The following GPR158 variants were observed in gnomAD, a reference collection of about 807,000 sequenced individuals.
GPR158 encodes G protein-coupled receptor 158.
GPR158 carries 30 observed loss-of-function variants against 78.2 expected under a neutral mutation model. The ratio of observed to expected loss-of-function variants is 0.38; its 90% confidence interval spans 0.29 to 0.52. The LOEUF is 0.52. GPR158 is among the 20% of genes least tolerant of loss of function. The pLI is 0.83. For missense variants in GPR158, 1,463 were observed against 1,523.5 expected, an observed-to-expected ratio of 0.96 and a Z score of 0.66; for synonymous variants, 581 against 591.1, an observed-to-expected ratio of 0.98 and a Z score of 0.25.
At position 25,190,833 on chromosome 10, in the gene GPR158, C is replaced by T. The variant is rs114001217; in HGVS notation, c.902+14511C>T. On this transcript the variant is annotated intron_variant, in intron 1 of 10. Transcript: ENST00000376351. ...CTGAAGAGTGACCAATTCTTTACTC[C>T]CTATCCATAAACATGAAACATACAC... Among the ~76,000 whole-genome samples, 440 of 152,206 alleles carry T rather than the reference C, an allele frequency of 2.9e-3. 4 individuals carry two copies. The highest frequency in any genetic ancestry group is 0.01 in the African/African-American group (429 of 41,520).
chr10:25,226,027 A>G (rs1853367838), intron 2 of GPR158, among the ~76,000 whole-genome samples: 1 of 152,116 alleles, frequency 6.6e-6, no homozygotes, highest in African/African-American at 2.4e-5. Flanking sequence ...TTAACTTTTC[A>G]TTTACTGAAT....
rs547684221 is a variant in GPR158, at chr10:25,587,400, G to C, written c.1754-1607G>C. Among the ~76,000 whole-genome samples the C allele has an allele frequency of 7.2e-5, 11 of 152,266 alleles. No individual in the cohort carries two copies. The East Asian group carries it at 2.1e-3, about 29-fold the overall frequency. ...CTTGAAAAATAATTTCAGCAAATAA[G>C]GAGTAAACTGATAGCGGCTTAGGCA... is the stretch of plus-strand genomic sequence containing the variant. On this transcript the variant is annotated intron_variant, in intron 7 of 10. Transcript: ENST00000376351.
intron 3 of GPR158, among the ~76,000 whole-genome samples, chr10:25,406,554 G>A (rs1343932894): frequency 3.9e-5 from 6 of 152,120 alleles, no homozygotes; most frequent in South Asian, 2.1e-4. Context: ...AAACACGGAC[G>A]CCAGAGAACT....
At position 25,321,646 on chromosome 10, in the gene GPR158, TAAACAAACAAACAAAC is replaced by T. The variant is rs34697786; in HGVS notation, c.1009-74248_1009-74233del. 5.3e-5 allele frequency among the ~76,000 whole-genome samples: 8 copies of T among 150,074 alleles called. No homozygotes were observed. In the South Asian group the frequency reaches 1.3e-3, roughly 24 times the overall value. ...ATGCTTATATAACCCTCCTTTAAAA[TAAACAAACAAACAAAC>T]AAACAAACAAACAAACTGAATAGAC... On this transcript the variant is annotated intron_variant, in intron 2 of 10. Transcript: ENST00000376351.
chr10:25,518,502 G>A (rs1836214303), intron 5 of GPR158, among the ~76,000 whole-genome samples: 3 of 92,924 alleles, frequency 3.2e-5, no homozygotes, highest in African/African-American at 5.5e-5. Flanking sequence ...TTTCTCTTGT[G>A]GGCATTTAGT....
At chr10:25,424,462 C>A (rs1346081606) in intron 4 of GPR158, among the ~76,000 whole-genome samples, 1 of 151,486 alleles carries the variant, frequency 6.6e-6, no homozygotes, top group Non-Finnish European at 1.5e-5. Context: ...CTTGCCCATG[C>A]CTATGTCCTG....
chr10:25,367,871 G>A (rs959752), intron 2 of GPR158, among the ~76,000 whole-genome samples: 21,445 of 151,676 alleles, frequency 0.14, 1,834 homozygotes, highest in African/African-American at 0.24. Context: ...ATGTTTGCAG[G>A]GAATGCTCTT....
In GPR158 at chr10:25,362,843, T is replaced by C. The variant is rs78231683; in HGVS notation, c.1009-33068T>C. Among the ~76,000 whole-genome samples, 61 of 152,082 alleles carry C rather than the reference T, an allele frequency of 4.0e-4. 1 individual carries two copies. The East Asian group carries it at 0.011, about 28-fold the overall frequency. ...AGTTCTAACAGATCGACCTCATCCT[T>C]GTTAATTGACTTTCCTTGTCTCTAA... is the stretch of plus-strand genomic sequence containing the variant. On this transcript the variant is annotated intron_variant, in intron 2 of 10. Coordinates refer to ENST00000376351, the MANE Select transcript of GPR158 (RefSeq NM_020752.3).
intron 4 of GPR158, among the ~76,000 whole-genome samples, chr10:25,449,240 A>ATTT (rs1356997849): frequency 6.6e-6 from 1 of 152,234 alleles, no homozygotes; most frequent in East Asian, 1.9e-4. Flanking sequence ...CCAGATCATG[A>ATTT]TAATGATGTC....
intron 2 of GPR158, among the ~76,000 whole-genome samples, chr10:25,291,019 A>G (rs1854427586): frequency 6.6e-6 from 1 of 152,066 alleles, no homozygotes; most frequent in Admixed American, 6.5e-5. Flanking sequence ...TTATCTTAAT[A>G]TTTGCACATT....
At chr10:25,490,129 A>G (rs1835785883) in intron 5 of GPR158, among the ~76,000 whole-genome samples, 1 of 152,130 alleles carries the variant, frequency 6.6e-6, no homozygotes, top group Admixed American at 6.6e-5. Flanking sequence ...AAGGAAATGC[A>G]AAGTTAAACT....
chr10:25,467,719 G>C (rs933904353), intron 5 of GPR158, among the ~76,000 whole-genome samples: 1 of 152,134 alleles, frequency 6.6e-6, no homozygotes, highest in Non-Finnish European at 1.5e-5. Flanking sequence ...GGTCTGGGTG[G>C]AAAGTAGTAG....
At chr10:25,228,537 TAAAC>T (rs926595150) in intron 2 of GPR158, among the ~76,000 whole-genome samples, 47 of 152,228 alleles carry the variant, frequency 3.1e-4, no homozygotes, top group African/African-American at 1.1e-3. Flanking sequence ...TTAAAGAAAA[TAAAC>T]AGGTTCTCCA....
intron 6 of GPR158, among the ~76,000 whole-genome samples, chr10:25,557,011 T>C (rs1836795067): frequency 6.6e-6 from 1 of 152,248 alleles, no homozygotes. Context: ...GACATTTTTA[T>C]CATTTTAAAT....
chr10:25,343,512 T>G (rs1003382344), intron 2 of GPR158, among the ~76,000 whole-genome samples: 1 of 152,036 alleles, frequency 6.6e-6, no homozygotes, highest in Non-Finnish European at 1.5e-5. Context: ...CTCATTGTTC[T>G]TTCCAGTTTG....
intron 2 of GPR158, among the ~76,000 whole-genome samples, chr10:25,307,000 T>C (rs201352967): frequency 7.4e-5 from 10 of 135,924 alleles, no homozygotes; most frequent in African/African-American, 2.8e-4. Flanking sequence ...CACACACACA[T>C]ACGCACACAC....
intron 4 of GPR158, among the ~76,000 whole-genome samples, chr10:25,436,194 G>A (rs1834995407): frequency 6.6e-6 from 1 of 152,192 alleles, no homozygotes; most frequent in African/African-American, 2.4e-5. Flanking sequence ...TGTGCCCGGT[G>A]TTACATGAGA....
chr10:25,188,935 A>G (rs1018156546), intron 1 of GPR158, among the ~76,000 whole-genome samples: 49 of 152,220 alleles, frequency 3.2e-4, no homozygotes, highest in African/African-American at 1.1e-3. Context: ...ACAAATTTAC[A>G]AGAAAAAAAC....
chr10:25,318,232 T>C (rs959641456), intron 2 of GPR158, among the ~76,000 whole-genome samples: 1 of 152,080 alleles, frequency 6.6e-6, no homozygotes, highest in African/African-American at 2.4e-5. Context: ...TCTTACAGTA[T>C]CCTCAATTTA....
Sources: gnomAD v4.1 joint callset for allele counts (sites outside exome capture counted in the v4.1 genomes callset) on GRCh38, gnomAD v4.1.1 for gene constraint, MANE v1.5 for transcripts, NCBI Gene and HGNC (gene_info 2026-07-23, HGNC 2026-07-21) for gene names.